Variants in TAFA1 observed in about 807,000 individuals in gnomAD.
The protein encoded by TAFA1 is TAFA chemokine like family member 1.
In TAFA1, 4 loss-of-function variants were observed where a neutral mutation model predicts 18.5. The observed-to-expected ratio is 0.22, with a 90% confidence interval of 0.11 to 0.49. TAFA1 has a LOEUF of 0.49. Among genes scored for constraint, TAFA1 ranks in the 20% least tolerant of loss-of-function variants. The pLI is 0.98. For missense variants in TAFA1, 147 were observed against 169.0 expected (o/e 0.87, Z 0.72); for synonymous variants, 56 against 55.2 (o/e 1.01, Z -0.06).
At chr3:68,064,608 C>G (rs370239302) in intron 2 of TAFA1, among the ~76,000 whole-genome samples, 327 of 152,196 alleles carry the variant, frequency 2.1e-3, no homozygotes, top group African/African-American at 7.6e-3. Context: ...CTTCCTACAG[C>G]TTTTTCTGCT....
intron 3 of TAFA1, among the ~76,000 whole-genome samples, chr3:68,445,282 C>T (rs981226278): frequency 2.0e-5 from 3 of 152,094 alleles, no homozygotes; most frequent in Non-Finnish European, 2.9e-5. Context: ...AAAGTGATAA[C>T]GACCACTCCA....
At chr3:68,271,807 C>G (rs1188537453) in intron 2 of TAFA1, among the ~76,000 whole-genome samples, 3 of 150,452 alleles carry the variant, frequency 2.0e-5, no homozygotes, top group Non-Finnish European at 4.4e-5. Context: ...TCTTTTGCCT[C>G]TTTGTCTATC....
intron 2 of TAFA1, among the ~76,000 whole-genome samples, chr3:68,040,458 A>G (rs563310520): frequency 2.6e-4 from 40 of 152,156 alleles, no homozygotes; most frequent in Non-Finnish European, 5.0e-4. Flanking sequence ...CTCTGATTTA[A>G]TGACTCTGAA....
At chr3:68,035,259 C>T (rs1431402016) in intron 2 of TAFA1, among the ~76,000 whole-genome samples, 1 of 152,118 alleles carries the variant, frequency 6.6e-6, no homozygotes, top group African/African-American at 2.4e-5. Flanking sequence ...TTCTCACACG[C>T]AATGTTGAGG....
chr3:68,076,801 A>C (rs1301325170), intron 2 of TAFA1, among the ~76,000 whole-genome samples: 1 of 152,286 alleles, frequency 6.6e-6, no homozygotes, highest in African/African-American at 2.4e-5. Flanking sequence ...AGCATGATTT[A>C]TAGTCCTTTG....
chr3:68,096,143 A>G (rs1310226300), intron 2 of TAFA1, among the ~76,000 whole-genome samples: 1 of 151,984 alleles, frequency 6.6e-6, no homozygotes, highest in Non-Finnish European at 1.5e-5. Context: ...TTGAGATTAA[A>G]TTTTTTAGCT....
At chr3:68,433,081 A>G (rs926099567) in intron 3 of TAFA1, among the ~76,000 whole-genome samples, 1 of 152,054 alleles carries the variant, frequency 6.6e-6, no homozygotes, top group African/African-American at 2.4e-5. Context: ...TTTCTCAAAG[A>G]CACCTCAAAT....
intron 2 of TAFA1, among the ~76,000 whole-genome samples, chr3:68,213,448 C>T (rs1353617912): frequency 1.3e-5 from 2 of 152,012 alleles, no homozygotes; most frequent in Admixed American, 1.3e-4. Flanking sequence ...TCTGGCTTGG[C>T]TGTATGTAGT....
chr3:68,072,357 A>T (rs532824826), intron 2 of TAFA1, among the ~76,000 whole-genome samples: 4 of 152,138 alleles, frequency 2.6e-5, no homozygotes, highest in Non-Finnish European at 4.4e-5. Context: ...TCAGGTTGTG[A>T]AGGTCCTTGA....
Position 68,475,442 on chromosome 3 carries a change from G to C in TAFA1, c.259+58022G>C, listed in dbSNP as rs564502830. ...TTTTGTCCTTGTGATGGTTTACTGA[G>C]AATGATGGTTTCCAGCTTCATCTGT... On this transcript the variant is annotated intron_variant, in intron 3 of 4. Coordinates refer to ENST00000478136, the MANE Select transcript of TAFA1 (RefSeq NM_213609.4). Among the ~76,000 whole-genome samples, 3 of 152,108 alleles carry C rather than the reference G, an allele frequency of 2.0e-5. No individual in the cohort carries two copies. In the East Asian group the frequency reaches 5.8e-4, roughly 29 times the overall value.
intron 3 of TAFA1, among the ~76,000 whole-genome samples, chr3:68,502,898 A>G (rs2072681860): frequency 6.6e-6 from 1 of 152,178 alleles, no homozygotes; most frequent in South Asian, 2.1e-4. Flanking sequence ...CAGCAGCACT[A>G]TTCATAATCC....
intron 2 of TAFA1, among the ~76,000 whole-genome samples, chr3:68,083,019 A>C (rs1327187797): frequency 6.6e-6 from 1 of 152,170 alleles, no homozygotes; most frequent in Non-Finnish European, 1.5e-5. Flanking sequence ...TTGTACCTTA[A>C]TTTGTGAAGG....
intron 2 of TAFA1, among the ~76,000 whole-genome samples, chr3:68,159,314 G>T (rs2065899407): frequency 2.0e-5 from 3 of 152,066 alleles, no homozygotes; most frequent in Admixed American, 1.3e-4. Context: ...TGAAAATGAG[G>T]CAGCTGGACC....
At chr3:68,289,758 G>T (rs545210364) in intron 2 of TAFA1, among the ~76,000 whole-genome samples, 2 of 152,128 alleles carry the variant, frequency 1.3e-5, no homozygotes, top group African/African-American at 4.8e-5. Context: ...AGAAATTAAG[G>T]GTGTCTCCTT....
chr3:67,996,292 A>G, the TAFA1 span, among the ~76,000 whole-genome samples: 4 of 152,332 alleles, frequency 2.6e-5, no homozygotes, highest in Admixed American at 2.0e-4. Context: ...ATAGGTGTGG[A>G]TATCAGTACA....
At chr3:68,015,080 A>T (rs1262747792) in intron 2 of TAFA1, among the ~76,000 whole-genome samples, 1 of 152,106 alleles carries the variant, frequency 6.6e-6, no homozygotes, top group East Asian at 1.9e-4. Flanking sequence ...TGTTCTGTGC[A>T]CATGTGTTTT....
At position 68,526,859 on chromosome 3, in the gene TAFA1, T is replaced by C. The variant is rs1052373729; in HGVS notation, c.260-11897T>C. 7.2e-5 allele frequency among the ~76,000 whole-genome samples: 11 copies of C among 152,080 alleles called. No homozygotes were observed. In the East Asian group the frequency reaches 2.1e-3, roughly 29 times the overall value. On this transcript the variant is annotated intron_variant, in intron 3 of 4. Coordinates refer to ENST00000478136, the MANE Select transcript of TAFA1 (RefSeq NM_213609.4). ...AAAGAATATGTATTACTTTCAGAATTAGAAAAAAAATAAAGGTTTTTTAAG... is the reference window on the plus strand; with the variant it reads ...AAAGAATATGTATTACTTTCAGAATCAGAAAAAAAATAAAGGTTTTTTAAG...
chr3:68,465,516 GA>G (rs2071871846), intron 3 of TAFA1, among the ~76,000 whole-genome samples: 1 of 152,168 alleles, frequency 6.6e-6, no homozygotes, highest in Admixed American at 6.5e-5. Flanking sequence ...AAAAGTGAAA[GA>G]AGCAATGAAA....
chr3:68,393,576 G>A (rs1384249452), intron 2 of TAFA1, among the ~76,000 whole-genome samples: 1 of 151,856 alleles, frequency 6.6e-6, no homozygotes, highest in South Asian at 2.1e-4. Flanking sequence ...AAAATTTCAG[G>A]GCAATATCCC....
Sources: gnomAD v4.1 joint callset for allele counts (sites outside exome capture counted in the v4.1 genomes callset) on GRCh38, gnomAD v4.1.1 for gene constraint, MANE v1.5 for transcripts, NCBI Gene and HGNC (gene_info 2026-07-23, HGNC 2026-07-21) for gene names.